SLAMF7: variants seen among roughly 807,000 people sequenced by gnomAD.
SLAMF7 encodes 19A24 protein.
In SLAMF7, 26 loss-of-function variants were observed where a neutral mutation model predicts 34.1. That is an observed-to-expected ratio of 0.76 (90% CI 0.56 to 1.06). The LOEUF is 1.06. SLAMF7 is among the 50% of genes least tolerant of loss of function. The probability of loss-of-function intolerance (pLI) is 0.00; values close to 1 mark genes in which losing one functional copy is unlikely to be tolerated. For synonymous variants in SLAMF7, 171 were observed against 156.4 expected (o/e 1.09, Z -0.70); for missense variants, 399 against 402.5 (o/e 0.99, Z 0.07).
chr1:160,739,198 G>A (rs1226444852), upstream of SLAMF7: 6 of 988,046 alleles, frequency 6.1e-6, no homozygotes, highest in East Asian at 2.4e-5. Context: ...ACATGTCTGC[G>A]GCGTGACCCC....
In SLAMF7 at chr1:160,748,288, T is replaced by C; in HGVS notation, c.150T>C (p.Ser50=). 1 of 1,614,096 alleles carries C rather than the reference T, an allele frequency of 6.2e-7. No individual in the cohort carries two copies. The highest frequency in any genetic ancestry group is 8.5e-7 in the Non-Finnish European group (1 of 1,179,972). ...AGTCCAAAGTAAAGCAAGTTGACTC[T>C]ATTGTCTGGACCTTCAACACAACCC... is the stretch of plus-strand genomic sequence containing the variant. The part of the protein sequence containing the change: ...PLKSKVKQVD[S]IVWTFNTTPL... The change falls in exon 2 of 7, where the codon TCT becomes TCC. Residue 50 remains serine (S), a synonymous_variant. Transcript: ENST00000368043.
intron 2 of SLAMF7, 22 bp downstream of exon 2, chr1:160,748,536 G>T (rs774800319): frequency 4.4e-6 from 7 of 1,591,948 alleles, no homozygotes; most frequent in South Asian, 1.1e-5. Flanking sequence ...CAGTTCCAAT[G>T]GTGGATGGCT....
rs1400469021 is a variant in SLAMF7, at chr1:160,753,744, G to A, written c.*567G>A. ...GGTCAGACATGCTGTCTGCCCTCAT[G>A]AAATTGGCTCCAAATGAATGAACTA... is the stretch of plus-strand genomic sequence containing the variant. On this transcript the variant is annotated 3_prime_UTR_variant, in exon 7 of 7. Transcript: ENST00000368043. 1 of 152,768 alleles carries A rather than the reference G, an allele frequency of 6.5e-6. No homozygotes were observed. Among genetic ancestry groups the A allele is most frequent in the African/African-American group, 2.4e-5 (1 of 41,470 alleles). The allele number at this position is 152,768 out of a possible 1,614,324, so 9.5% of individuals were successfully genotyped here. A position where few individuals can be genotyped will look rare whatever the true frequency, so the allele number is the denominator to read the frequency against.
intron 1 of SLAMF7, among the ~76,000 whole-genome samples, chr1:160,744,602 G>C (rs1663996525): frequency 6.6e-6 from 1 of 152,186 alleles, no homozygotes; most frequent in South Asian, 2.1e-4. Context: ...CGTGAAAAGA[G>C]TAATTGCATG....
At chr1:160,739,469 T>G in intron 1 of SLAMF7, 113 bp downstream of exon 1, 1 of 867,950 alleles carries the variant, frequency 1.2e-6, no homozygotes, top group African/African-American at 1.7e-5. Context: ...TGTGTTCTCA[T>G]CTAACATTTG....
chr1:160,746,930 T>G (rs570418441), intron 1 of SLAMF7, among the ~76,000 whole-genome samples: 1 of 152,282 alleles, frequency 6.6e-6, no homozygotes, highest in Admixed American at 6.5e-5. Context: ...CATGGGTGTG[T>G]TTTTTACTAT....
rs758271033 is a variant in SLAMF7, at chr1:160,748,519, G to A, written c.376+5G>A. On this transcript the variant is annotated splice_donor_5th_base_variant and intron_variant, in intron 2 of 6. Transcript: ENST00000368043. ...AGTACGTGCTGCATGTCTACGGTGA[G>A]CAAAATCAGTTCCAATGGTGGATGG... 1.2e-6 allele frequency: 2 copies of A among 1,604,626 alleles called. No individual in the cohort carries two copies. Among genetic ancestry groups the A allele is most frequent in the South Asian group, 1.1e-5 (1 of 90,350 alleles).
At chr1:160,741,379 T>C (rs915599890) in intron 1 of SLAMF7, among the ~76,000 whole-genome samples, 3 of 152,114 alleles carry the variant, frequency 2.0e-5, no homozygotes, top group Admixed American at 2.0e-4. Flanking sequence ...GCAACCTAAA[T>C]GTGAATGTGG....
At chr1:160,744,566 A>G (rs1005077231) in intron 1 of SLAMF7, among the ~76,000 whole-genome samples, 3 of 152,238 alleles carry the variant, frequency 2.0e-5, no homozygotes, top group African/African-American at 7.2e-5. Flanking sequence ...ATTTACCCTG[A>G]GAATACAGCA....
chr1:160,739,155 A>C (rs1663531404), upstream of SLAMF7: 19 of 747,426 alleles, frequency 2.5e-5, 2 homozygotes, highest in South Asian at 2.8e-4. Context: ...TGCTCTATTC[A>C]CTCTGAAAAT....
Position 160,749,921 on chromosome 1 carries a change from T to C in SLAMF7, c.477T>C (p.Asp159=). The C allele has an allele frequency of 1.2e-6, 2 of 1,614,032 alleles. No individual in the cohort carries two copies. Among genetic ancestry groups the C allele is most frequent in the Non-Finnish European group, 1.7e-6 (2 of 1,179,942 alleles). The part of the protein sequence containing the change: ...LTCCMEHGEE[D]VIYTWKALGQ... ...GCTGCATGGAACATGGGGAAGAGGA[T>C]GTGATTTATACCTGGAAGGCCCTGG... The change falls in exon 3 of 7, where the codon GAT becomes GAC. Residue 159 remains aspartate (D), a synonymous_variant. Coordinates refer to ENST00000368043, the MANE Select transcript of SLAMF7 (RefSeq NM_021181.5).
At chr1:160,751,866 A>G (rs4017707) in intron 5 of SLAMF7, 1 of 35,114 alleles carries the variant, frequency 2.8e-5, no homozygotes, top group Non-Finnish European at 5.6e-5. Context: ...CTCTCTCTAT[A>G]TATATATATA....
At chr1:160,739,093 T>C, upstream of SLAMF7, 1 of 603,980 alleles carries the variant, frequency 1.7e-6, no homozygotes, top group South Asian at 1.9e-5. Context: ...CAAATGCTGA[T>C]GAAGATGGGG....
intron 1 of SLAMF7, chr1:160,739,870 T>C (rs1293209346): frequency 6.5e-6 from 1 of 154,302 alleles, no homozygotes; most frequent in East Asian, 1.9e-4. Context: ...AGTCTCTACT[T>C]AGAGAACCAA....
In SLAMF7 at chr1:160,748,182, CTG is replaced by C. The variant is rs769613027; in HGVS notation, c.56-8_56-7del. 3 of 1,611,092 alleles carry C rather than the reference CTG, an allele frequency of 1.9e-6. No individual in the cohort carries two copies. Among genetic ancestry groups the C allele is most frequent in the Middle Eastern group, 1.7e-4 (1 of 5,992 alleles). On this transcript the variant is annotated splice_polypyrimidine_tract_variant and intron_variant, in intron 1 of 6. Coordinates refer to ENST00000368043, the MANE Select transcript of SLAMF7 (RefSeq NM_021181.5). ...GGAATCAGGCTTATTTTATGGTTCT[CTG>C]TGTTTATAGGGTCAGCAGCCTCTGG... is the stretch of plus-strand genomic sequence containing the variant.
At chr1:160,744,617 A>G (rs1427811519) in intron 1 of SLAMF7, among the ~76,000 whole-genome samples, 1 of 152,228 alleles carries the variant, frequency 6.6e-6, no homozygotes, top group Non-Finnish European at 1.5e-5. Context: ...TGCATGTGAA[A>G]AGAGTAGTTG....
In SLAMF7 at chr1:160,748,366, T is replaced by A; in HGVS notation, c.228T>A (p.Arg76=). The change falls in exon 2 of 7, where the codon CGT becomes CGA. Residue 76 remains arginine (R), a synonymous_variant. Transcript: ENST00000368043. ...GCACTATCATAGTGACCCAAAATCGTAATAGGGAGAGAGTAGACTTCCCAG... is the reference window on the plus strand; with the variant it reads ...GCACTATCATAGTGACCCAAAATCGAAATAGGGAGAGAGTAGACTTCCCAG... ...EGGTIIVTQN[R]NRERVDFPDG... 6.2e-7 allele frequency: 1 copy of A among 1,613,920 alleles called. No homozygotes were observed. Among genetic ancestry groups the A allele is most frequent in the Non-Finnish European group, 8.5e-7 (1 of 1,179,966 alleles).
Position 160,748,182 on chromosome 1 carries a change from C to T in SLAMF7, c.56-12C>T, listed in dbSNP as rs1558056344. 6.2e-7 allele frequency: 1 copy of T among 1,611,210 alleles called. No individual in the cohort carries two copies. Among genetic ancestry groups the T allele is most frequent in the East Asian group, 2.2e-5 (1 of 44,860 alleles). ...GGAATCAGGCTTATTTTATGGTTCT[C>T]TGTGTTTATAGGGTCAGCAGCCTCT... On this transcript the variant is annotated splice_polypyrimidine_tract_variant and intron_variant, in intron 1 of 6. Transcript: ENST00000368043.
intron 1 of SLAMF7, among the ~76,000 whole-genome samples, chr1:160,740,416 T>G (rs1663648632): frequency 1.3e-5 from 2 of 152,112 alleles, no homozygotes; most frequent in Non-Finnish European, 1.5e-5. Context: ...CTGAAATCAG[T>G]CAGCGAAAGA....
Sources: allele counts gnomAD v4.1 joint callset (sites outside exome capture counted in the v4.1 genomes callset), GRCh38; gene constraint gnomAD v4.1.1; transcripts MANE v1.5; gene names NCBI Gene and HGNC (gene_info 2026-07-23, HGNC 2026-07-21).